AGBL4: variants seen among roughly 807,000 people sequenced by gnomAD.
AGBL4 encodes the protein cytosolic carboxypeptidase 6.
In AGBL4, 58 loss-of-function variants were observed where a neutral mutation model predicts 66.4. That is an observed-to-expected ratio of 0.87 (90% CI 0.71 to 1.09). The LOEUF (loss-of-function observed/expected upper bound fraction) is 1.09, where lower values mean the gene tolerates loss of function less well. Ranked by LOEUF, AGBL4 falls within the 50% of genes least tolerant of loss-of-function variation. The probability of loss-of-function intolerance (pLI) is 0.00; values close to 1 mark genes in which losing one functional copy is unlikely to be tolerated. For synonymous variants in AGBL4, 234 were observed against 222.9 expected (o/e 1.05, Z -0.44); for missense variants, 579 against 631.0 (o/e 0.92, Z 0.88).
chr1:49,638,351 T>C (rs2124392768), intron 3 of AGBL4, among the ~76,000 whole-genome samples: 1 of 152,212 alleles, frequency 6.6e-6, no homozygotes, highest in East Asian at 1.9e-4. Context: ...GACATAAAAG[T>C]GTAAGAGAAG....
intron 1 of AGBL4, among the ~76,000 whole-genome samples, chr1:49,937,382 A>T (rs1017808729): frequency 6.6e-6 from 1 of 151,954 alleles, no homozygotes; most frequent in Non-Finnish European, 1.5e-5. Context: ...CTCCCACACA[A>T]TAATAATGGG....
chr1:49,695,379 C>T (rs1408001438), intron 3 of AGBL4, among the ~76,000 whole-genome samples: 2 of 152,084 alleles, frequency 1.3e-5, no homozygotes, highest in African/African-American at 4.8e-5. Flanking sequence ...AAGTGAAAGA[C>T]TCAGTCTAGT....
intron 3 of AGBL4, among the ~76,000 whole-genome samples, chr1:49,388,393 G>A (rs1644780377): frequency 6.6e-6 from 1 of 152,018 alleles, no homozygotes; most frequent in Non-Finnish European, 1.5e-5. Context: ...CTGGCCAGGG[G>A]CAATGGTTTG....
intron 4 of AGBL4, among the ~76,000 whole-genome samples, chr1:49,165,267 T>C (rs1646613303): frequency 6.6e-6 from 1 of 152,124 alleles, no homozygotes; most frequent in Admixed American, 6.5e-5. Flanking sequence ...ATTCTAGATT[T>C]AGAAAAAAGG....
chr1:48,709,412 A>G (rs974291560), intron 6 of AGBL4, among the ~76,000 whole-genome samples: 5 of 152,268 alleles, frequency 3.3e-5, no homozygotes, highest in African/African-American at 1.2e-4. Context: ...ACACCTACAC[A>G]CCGAATAGAA....
intron 8 of AGBL4, among the ~76,000 whole-genome samples, chr1:48,651,968 G>T (rs949592495): frequency 6.6e-6 from 1 of 152,202 alleles, no homozygotes; most frequent in African/African-American, 2.4e-5. Context: ...GGACACAAAG[G>T]CCATTAAGGT....
At chr1:49,112,129 G>C (rs935978992) in intron 4 of AGBL4, among the ~76,000 whole-genome samples, 1 of 150,250 alleles carries the variant, frequency 6.7e-6, no homozygotes, top group Non-Finnish European at 1.5e-5. Context: ...TATAACATGT[G>C]TGAGGTCTGA....
At chr1:49,467,924 C>G (rs969705339) in intron 3 of AGBL4, among the ~76,000 whole-genome samples, 9 of 151,688 alleles carry the variant, frequency 5.9e-5, no homozygotes, top group Admixed American at 5.9e-4. Context: ...ACATTTCATG[C>G]TTTTTAACTG....
chr1:49,269,136 A>G (rs149732040), intron 3 of AGBL4: 8 of 152,316 alleles, frequency 5.3e-5, no homozygotes, highest in African/African-American at 1.7e-4. Context: ...AATGATTCCA[A>G]CTGAATCCAT....
intron 6 of AGBL4, among the ~76,000 whole-genome samples, chr1:48,665,703 G>C (rs1646175752): frequency 6.6e-6 from 1 of 152,086 alleles, no homozygotes; most frequent in South Asian, 2.1e-4. Context: ...ATTTACACAA[G>C]AGAATTTCAT....
intron 1 of AGBL4, among the ~76,000 whole-genome samples, chr1:49,864,933 G>A (rs1646665218): frequency 6.6e-6 from 1 of 152,126 alleles, no homozygotes; most frequent in Admixed American, 6.6e-5. Flanking sequence ...GAGGAGGCTG[G>A]GCAAATTGGA....
intron 4 of AGBL4, among the ~76,000 whole-genome samples, chr1:49,116,009 T>A (rs2148031688): frequency 6.6e-6 from 1 of 152,302 alleles, no homozygotes; most frequent in Admixed American, 6.5e-5. Flanking sequence ...AGTCCAAAAG[T>A]AATTAAGAGA....
intron 6 of AGBL4, among the ~76,000 whole-genome samples, chr1:48,691,091 G>C (rs1646622748): frequency 6.7e-6 from 1 of 148,554 alleles, no homozygotes; most frequent in Non-Finnish European, 1.5e-5. Context: ...CTTTAACCTG[G>C]AGGTTGCAGT....
At chr1:49,741,086 C>A (rs964065197) in intron 2 of AGBL4, among the ~76,000 whole-genome samples, 2 of 151,996 alleles carry the variant, frequency 1.3e-5, no homozygotes, top group Non-Finnish European at 1.5e-5. Context: ...ATAAAAAAAC[C>A]CTTCAAAAAA....
At chr1:49,100,908 G>A (rs1329853828) in intron 4 of AGBL4, among the ~76,000 whole-genome samples, 1 of 152,150 alleles carries the variant, frequency 6.6e-6, no homozygotes, top group Non-Finnish European at 1.5e-5. Context: ...CTGCAGATAA[G>A]GATGCTGAGG....
At chr1:49,963,942 G>GA (rs1042296881) in intron 1 of AGBL4, among the ~76,000 whole-genome samples, 43 of 150,090 alleles carry the variant, frequency 2.9e-4, no homozygotes, top group Admixed American at 1.5e-3. Flanking sequence ...AGTGTCATAA[G>GA]AAAAAAAAAC....
At chr1:49,173,196 A>G (rs1646770652) in intron 4 of AGBL4, among the ~76,000 whole-genome samples, 1 of 152,246 alleles carries the variant, frequency 6.6e-6, no homozygotes, top group African/African-American at 2.4e-5. Context: ...TAAGACAGAA[A>G]GGAAAAAGAA....
intron 1 of AGBL4, among the ~76,000 whole-genome samples, chr1:50,014,298 G>C (rs1460700133): frequency 6.6e-6 from 1 of 151,744 alleles, no homozygotes; most frequent in African/African-American, 2.4e-5. Flanking sequence ...TTGAACCCAG[G>C]AGGTGGAGGC....
At chr1:48,781,835 C>T (rs1002573004) in intron 6 of AGBL4, among the ~76,000 whole-genome samples, 2 of 152,216 alleles carry the variant, frequency 1.3e-5, no homozygotes, top group African/African-American at 4.8e-5. Context: ...TCTTTGTCTT[C>T]TGCCCAAACA....
Sources: allele counts gnomAD v4.1 joint callset (sites outside exome capture counted in the v4.1 genomes callset), GRCh38; gene constraint gnomAD v4.1.1; transcripts MANE v1.5; gene names NCBI Gene and HGNC (gene_info 2026-07-23, HGNC 2026-07-21).